Variants in ANKIB1 observed in about 807,000 individuals in gnomAD.
ANKIB1 encodes the protein ankyrin repeat and IBR domain containing 1, also known as ankyrin repeat and IBR domain-containing protein 1.
ANKIB1 carries 43 observed loss-of-function variants against 122.1 expected under a neutral mutation model. That is an observed-to-expected ratio of 0.35 (90% CI 0.28 to 0.45). ANKIB1 has a LOEUF of 0.45. ANKIB1 is among the 20% of genes least tolerant of loss of function. The probability of loss-of-function intolerance (pLI) is 1.00; values close to 1 mark genes in which losing one functional copy is unlikely to be tolerated. For synonymous variants in ANKIB1, 390 were observed against 442.0 expected, an observed-to-expected ratio of 0.88 and a Z score of 1.48; for missense variants, 992 against 1,329.5, an observed-to-expected ratio of 0.75 and a Z score of 3.95.
chr7:92,340,061 T>A (rs1240430177), intron 5 of ANKIB1, among the ~76,000 whole-genome samples: 2 of 152,190 alleles, frequency 1.3e-5, no homozygotes, highest in Non-Finnish European at 2.9e-5. Context: ...TTAATTTGTG[T>A]CTCAAATGGG....
At chr7:92,249,182 C>T (rs952975510) in intron 1 of ANKIB1, among the ~76,000 whole-genome samples, 7 of 152,244 alleles carry the variant, frequency 4.6e-5, no homozygotes, top group Non-Finnish European at 8.8e-5. Flanking sequence ...GCCACTGCGC[C>T]TGGCCTTCCA....
intron 2 of ANKIB1, among the ~76,000 whole-genome samples, chr7:92,295,910 A>G (rs984512132): frequency 1.3e-5 from 2 of 152,160 alleles, no homozygotes; most frequent in African/African-American, 4.8e-5. Context: ...AAGCAAGGTT[A>G]ATTTTTTTAG....
In ANKIB1 at chr7:92,309,923, T is replaced by TAAAAAAAAA. The variant is rs869276384; in HGVS notation, c.486+2279_486+2287dup. On this transcript the variant is annotated intron_variant, in intron 3 of 19. Coordinates refer to ENST00000265742, the MANE Select transcript of ANKIB1 (RefSeq NM_019004.2). ...CTGGGCAACAGAGCGAGACTCCATC[T>TAAAAAAAAA]AAAAAAAAAAAAAAAAAAAATATAT... 8.9e-4 allele frequency among the ~76,000 whole-genome samples: 85 copies of TAAAAAAAAA among 96,038 alleles called. 1 individual carries two copies. Among genetic ancestry groups the TAAAAAAAAA allele is most frequent in the African/African-American group, 3.0e-3 (69 of 22,676 alleles). The allele number at this position is 96,038 out of a possible 152,430, so 63.0% of individuals were successfully genotyped here.
At chr7:92,256,219 A>G (rs1279039742) in intron 1 of ANKIB1, among the ~76,000 whole-genome samples, 4 of 152,212 alleles carry the variant, frequency 2.6e-5, no homozygotes, top group Non-Finnish European at 4.4e-5. Flanking sequence ...GGGCTGAGTT[A>G]TAAGTGATAG....
intron 1 of ANKIB1, among the ~76,000 whole-genome samples, chr7:92,281,243 C>T (rs1056814592): frequency 6.6e-6 from 1 of 152,230 alleles, no homozygotes; most frequent in Non-Finnish European, 1.5e-5. Flanking sequence ...TTTTGATTGA[C>T]AGCTGGTCAC....
intron 5 of ANKIB1, among the ~76,000 whole-genome samples, chr7:92,342,089 T>C (rs1426687085): frequency 6.6e-6 from 1 of 152,112 alleles, no homozygotes; most frequent in Non-Finnish European, 1.5e-5. Flanking sequence ...TTTCCAGTTA[T>C]TTGTATTTAA....
intron 5 of ANKIB1, among the ~76,000 whole-genome samples, chr7:92,332,351 T>C (rs566347948): frequency 6.6e-6 from 1 of 152,362 alleles, no homozygotes; most frequent in South Asian, 2.1e-4. Context: ...ATTTATAGAT[T>C]GTATCCTTGA....
At chr7:92,247,453 A>T (rs1162000559) in intron 1 of ANKIB1, among the ~76,000 whole-genome samples, 2 of 152,232 alleles carry the variant, frequency 1.3e-5, no homozygotes, top group Non-Finnish European at 2.9e-5. Flanking sequence ...ATTATTTTCA[A>T]TCATTAATTC....
chr7:92,351,718 T>C (rs1393544596), intron 8 of ANKIB1, among the ~76,000 whole-genome samples: 2 of 149,946 alleles, frequency 1.3e-5, no homozygotes, highest in Non-Finnish European at 3.0e-5. Flanking sequence ...CTTTTTTTTT[T>C]TGTTTTTTTT....
chr7:92,255,657 A>G (rs191408326), intron 1 of ANKIB1, among the ~76,000 whole-genome samples: 144 of 152,258 alleles, frequency 9.5e-4, no homozygotes, highest in African/African-American at 3.3e-3. Context: ...CTTATGAAAT[A>G]TATTTTTTTC....
At chr7:92,376,149 A>G (rs899091246) in intron 11 of ANKIB1, among the ~76,000 whole-genome samples, 8 of 152,332 alleles carry the variant, frequency 5.3e-5, no homozygotes, top group Middle Eastern at 3.4e-3. Flanking sequence ...TAGTTCTTAA[A>G]CACCCTATGA....
intron 1 of ANKIB1, among the ~76,000 whole-genome samples, chr7:92,278,159 G>A (rs1801942812): frequency 6.6e-6 from 1 of 152,092 alleles, no homozygotes; most frequent in Admixed American, 6.5e-5. Context: ...GCTAAGGTGG[G>A]AAGAGTGCTT....
intron 9 of ANKIB1, among the ~76,000 whole-genome samples, chr7:92,353,882 T>A (rs558001845): frequency 6.6e-6 from 1 of 152,290 alleles, no homozygotes; most frequent in East Asian, 1.9e-4. Flanking sequence ...GAATCCTGGT[T>A]GAAAAAGGCT....
rs548091494 is a variant in ANKIB1 at position 92,350,333 on chromosome 7, T to A, written c.1086-617T>A. Among the ~76,000 whole-genome samples the A allele has an allele frequency of 5.3e-5, 8 of 152,308 alleles. No individual in the cohort carries two copies. In the South Asian group the frequency reaches 1.7e-3, roughly 32 times the overall value. ...AATATGACCTTTCTGAGCCACTCAT[T>A]TCTGAATTTTTAATTTTAAATAAAA... On this transcript the variant is annotated intron_variant, in intron 7 of 19. Coordinates refer to ENST00000265742, the MANE Select transcript of ANKIB1 (RefSeq NM_019004.2).
intron 5 of ANKIB1, among the ~76,000 whole-genome samples, chr7:92,338,418 C>CA (rs11393456): frequency 0.34 from 49,309 of 147,068 alleles, 8,325 homozygotes; most frequent in Middle Eastern, 0.38. Context: ...GACTTTGCCT[C>CA]AAAAAAAAAT....
chr7:92,283,156 T>C (rs1802045162), intron 1 of ANKIB1, among the ~76,000 whole-genome samples: 2 of 152,176 alleles, frequency 1.3e-5, no homozygotes, highest in South Asian at 2.1e-4. Flanking sequence ...CAAACTGCCA[T>C]AGATATTTTT....
intron 1 of ANKIB1, among the ~76,000 whole-genome samples, chr7:92,290,042 C>T (rs1802214050): frequency 6.6e-6 from 1 of 152,226 alleles, no homozygotes; most frequent in Admixed American, 6.5e-5. Flanking sequence ...GTCTTGAACT[C>T]CTGGGCTCAA....
At chr7:92,305,842 G>A in intron 2 of ANKIB1, among the ~76,000 whole-genome samples, 1 of 152,190 alleles carries the variant, frequency 6.6e-6, no homozygotes, top group East Asian at 1.9e-4. Context: ...GCTGAATAGA[G>A]GTTGAGGACT....
intron 11 of ANKIB1, among the ~76,000 whole-genome samples, chr7:92,384,106 G>A (rs1340193455): frequency 1.3e-5 from 2 of 152,042 alleles, no homozygotes; most frequent in Non-Finnish European, 2.9e-5. Flanking sequence ...CAGACAAACA[G>A]CCAAATCATG....
Sources: allele counts gnomAD v4.1 joint callset (sites outside exome capture counted in the v4.1 genomes callset), GRCh38; gene constraint gnomAD v4.1.1; transcripts MANE v1.5; gene names NCBI Gene and HGNC (gene_info 2026-07-23, HGNC 2026-07-21).